The following CNTN4 variants were observed in gnomAD, a reference collection of about 807,000 sequenced individuals.
CNTN4 encodes the protein contactin-4.
A neutral mutation model predicts 122.5 loss-of-function variants in CNTN4; 77 were observed. The ratio of observed to expected loss-of-function variants is 0.63; its 90% CI spans 0.52 to 0.76. The LOEUF (loss-of-function observed/expected upper bound fraction) is 0.76, where lower values mean the gene tolerates loss of function less well. Among genes scored for constraint, CNTN4 ranks in the 30% least tolerant of loss-of-function variants. The probability of loss-of-function intolerance (pLI) is 0.00; values close to 1 mark genes in which losing one functional copy is unlikely to be tolerated. For synonymous variants in CNTN4, 512 were observed against 447.0 expected (o/e 1.15, Z -1.83); for missense variants, 1,256 against 1,259.1 (o/e 1.00, Z 0.04).
intron 10 of CNTN4, 115 bp from the exon 11 acceptor site, chr3:2,900,570 C>A (rs115075167): frequency 2.5e-5 from 30 of 1,177,396 alleles, no homozygotes; most frequent in Non-Finnish European, 3.4e-5. Flanking sequence ...ATTTGCATAA[C>A]ATCTGGAAAA....
Position 2,769,464 on chromosome 3 carries a change from C to CAAAAAAA in CNTN4, c.358+23775_358+23781dup, listed in dbSNP as rs71058643. Among the ~76,000 whole-genome samples the CAAAAAAA allele has an allele frequency of 1.5e-3, 212 of 137,020 alleles. 1 individual carries two copies. The highest frequency in any genetic ancestry group is 5.7e-3 in the African/African-American group (210 of 36,664). 89.9% of individuals were successfully genotyped at this position (137,020 alleles called of 152,430 possible). On this transcript the variant is annotated intron_variant, in intron 6 of 24. Coordinates refer to ENST00000418658, the MANE Select transcript of CNTN4 (RefSeq NM_175607.3). ...TGGGCAACAGAGTGAGACTCTGTCT[C>CAAAAAAA]AAAAAAAAAAAAAACAGAAACAAAA...
intron 13 of CNTN4, among the ~76,000 whole-genome samples, chr3:2,986,569 A>G (rs1003871284): frequency 2.6e-5 from 4 of 152,218 alleles, no homozygotes; most frequent in Non-Finnish European, 5.9e-5. Flanking sequence ...AAAAAAGTAT[A>G]TGCAGCATTT....
chr3:2,469,283 C>T (rs1201820405), intron 3 of CNTN4, among the ~76,000 whole-genome samples: 1 of 152,128 alleles, frequency 6.6e-6, no homozygotes, highest in Non-Finnish European at 1.5e-5. Flanking sequence ...TTCTAATATT[C>T]TACTTTTAAA....
chr3:2,641,842 T>G (rs2082908830), intron 4 of CNTN4, among the ~76,000 whole-genome samples: 1 of 152,236 alleles, frequency 6.6e-6, no homozygotes, highest in South Asian at 2.1e-4. Context: ...CAGATGCAAC[T>G]TTTAAAACCA....
At chr3:2,279,826 A>G (rs981494470) in intron 2 of CNTN4, among the ~76,000 whole-genome samples, 14 of 151,490 alleles carry the variant, frequency 9.2e-5, no homozygotes, top group African/African-American at 3.4e-4. Flanking sequence ...CTGTGTAAAG[A>G]TATTTTAGAC....
intron 9 of CNTN4, among the ~76,000 whole-genome samples, chr3:2,884,550 T>C (rs911066811): frequency 1.7e-4 from 26 of 152,292 alleles, no homozygotes; most frequent in African/African-American, 6.0e-4. Flanking sequence ...ATTTAAGACA[T>C]AGAAAATGCC....
intron 3 of CNTN4, among the ~76,000 whole-genome samples, chr3:2,431,519 T>G (rs2048069480): frequency 6.6e-6 from 1 of 152,296 alleles, no homozygotes; most frequent in African/African-American, 2.4e-5. Flanking sequence ...TAGACTGAAT[T>G]TTGTCTAATT....
At chr3:2,250,582 T>TA (rs1238481978) in intron 2 of CNTN4, among the ~76,000 whole-genome samples, 1 of 151,940 alleles carries the variant, frequency 6.6e-6, no homozygotes, top group Non-Finnish European at 1.5e-5. Flanking sequence ...ATGCATATGA[T>TA]AATTACCCTG....
intron 3 of CNTN4, among the ~76,000 whole-genome samples, chr3:2,343,319 T>C (rs543912088): frequency 6.6e-6 from 1 of 152,302 alleles, no homozygotes; most frequent in Admixed American, 6.5e-5. Flanking sequence ...TGATTGGTTC[T>C]CTCCTGCAAC....
intron 4 of CNTN4, among the ~76,000 whole-genome samples, chr3:2,715,228 AAAC>A (rs1341614026): frequency 2.0e-5 from 3 of 152,226 alleles, no homozygotes; most frequent in African/African-American, 7.2e-5. Context: ...AGCTACTGAA[AAAC>A]AACATAATAA....
At chr3:2,735,878 A>G in intron 4 of CNTN4, 1 of 459,432 alleles carries the variant, frequency 2.2e-6, no homozygotes, top group Non-Finnish European at 4.3e-6. Flanking sequence ...GTAGCACAAA[A>G]GGGATACGGG....
intron 8 of CNTN4, among the ~76,000 whole-genome samples, chr3:2,876,393 G>A (rs1168551067): frequency 6.6e-6 from 1 of 152,110 alleles, no homozygotes; most frequent in Non-Finnish European, 1.5e-5. Flanking sequence ...ATGTTTTTAG[G>A]TTAGTGATAT....
At chr3:2,809,181 G>A (rs2092545080) in intron 6 of CNTN4, among the ~76,000 whole-genome samples, 1 of 152,194 alleles carries the variant, frequency 6.6e-6, no homozygotes, top group South Asian at 2.1e-4. Flanking sequence ...TTCTGGGAAG[G>A]ATGTAGTAAA....
At chr3:2,901,627 T>C (rs2094174507) in intron 11 of CNTN4, among the ~76,000 whole-genome samples, 1 of 152,210 alleles carries the variant, frequency 6.6e-6, no homozygotes. Flanking sequence ...GTTACCAAAA[T>C]GCCAGGGAGT....
At chr3:2,368,333 CT>C (rs1029151614) in intron 3 of CNTN4, among the ~76,000 whole-genome samples, 1 of 151,976 alleles carries the variant, frequency 6.6e-6, no homozygotes, top group Non-Finnish European at 1.5e-5. Flanking sequence ...AGCCTGGCCT[CT>C]TTTTTTGTTT....
chr3:2,768,976 C>T (rs950734513), intron 6 of CNTN4, among the ~76,000 whole-genome samples: 5 of 152,124 alleles, frequency 3.3e-5, no homozygotes, highest in African/African-American at 1.2e-4. Flanking sequence ...GTCTTGAAGT[C>T]TTTTCATTGT....
intron 4 of CNTN4, among the ~76,000 whole-genome samples, chr3:2,591,027 C>G (rs1409797718): frequency 6.6e-6 from 1 of 152,058 alleles, no homozygotes; most frequent in Non-Finnish European, 1.5e-5. Flanking sequence ...TGTGGAGGAT[C>G]CTTGTTATTT....
rs780496834 is a variant in CNTN4, at chr3:3,026,239, T to C, written c.1624T>C (p.Phe542Leu). 4.3e-6 allele frequency: 7 copies of C among 1,613,496 alleles called. No homozygotes were observed. In the South Asian group the frequency reaches 6.6e-5, roughly 15 times the overall value. ...TWSFNGHLIDFDRDGDHFERV... is the reference protein window; with the variant it reads ...TWSFNGHLIDLDRDGDHFERV... ...GTCATTTAATGGACACCTGATAGAC[T>C]TTGACAGAGATGGGGACCACTTTGA... Residue 542 changes from phenylalanine to leucine, a missense_variant, in exon 15 of 25, where the codon TTT becomes CTT. Transcript: ENST00000418658.
chr3:2,713,512 C>A (rs1459639402), intron 4 of CNTN4, among the ~76,000 whole-genome samples: 1 of 152,196 alleles, frequency 6.6e-6, no homozygotes, highest in East Asian at 1.9e-4. Context: ...TCCTTAGAGT[C>A]TCTACCTTCA....
Sources: allele counts gnomAD v4.1 joint callset (sites outside exome capture counted in the v4.1 genomes callset), GRCh38; gene constraint gnomAD v4.1.1; transcripts MANE v1.5; gene names NCBI Gene and HGNC (gene_info 2026-07-23, HGNC 2026-07-21).